NNT: variants seen among roughly 807,000 people sequenced by gnomAD.
NNT encodes the protein NAD(P) transhydrogenase, mitochondrial.
A neutral mutation model predicts 104.8 loss-of-function variants in NNT; 50 were observed. That is an observed-to-expected ratio of 0.48 (90% CI 0.38 to 0.60). NNT has a LOEUF of 0.60. Ranked by LOEUF, NNT falls within the 20% of genes least tolerant of loss-of-function variation. The pLI is 0.00. For synonymous variants in NNT, 461 were observed against 490.4 expected (o/e 0.94, Z 0.79); for missense variants, 1,131 against 1,330.7 (o/e 0.85, Z 2.33).
intron 17 of NNT, chr5:43,666,992 C>T (rs1740737148): frequency 6.3e-7 from 1 of 1,595,920 alleles, no homozygotes; most frequent in Non-Finnish European, 8.5e-7. Flanking sequence ...TTGGGCTTAA[C>T]CTCCTTGGGC....
At chr5:43,670,235 C>T (rs552708294) in intron 17 of NNT, among the ~76,000 whole-genome samples, 240 of 152,132 alleles carry the variant, frequency 1.6e-3, no homozygotes, top group African/African-American at 5.4e-3. Context: ...AAAACCAGCT[C>T]CTGGATTCAT....
intron 6 of NNT, among the ~76,000 whole-genome samples, chr5:43,627,557 G>T (rs1750436970): frequency 6.6e-6 from 1 of 152,170 alleles, no homozygotes; most frequent in African/African-American, 2.4e-5. Flanking sequence ...CAGAACTGAG[G>T]TGTTTGTTGG....
At chr5:43,676,470 T>G (rs934414922) in intron 18 of NNT, among the ~76,000 whole-genome samples, 5 of 152,240 alleles carry the variant, frequency 3.3e-5, no homozygotes, top group Admixed American at 2.6e-4. Context: ...CCTTCTCAAC[T>G]TGGGACAATA....
At chr5:43,662,869 A>G (rs1740444798) in intron 17 of NNT, among the ~76,000 whole-genome samples, 1 of 150,934 alleles carries the variant, frequency 6.6e-6, no homozygotes, top group Non-Finnish European at 1.5e-5. Flanking sequence ...ACTGCAGCCT[A>G]GGAGACAGAG....
rs190498995 is a variant in NNT at position 43,638,138 on chromosome 5, T to C, written c.965-6054T>C. On this transcript the variant is annotated intron_variant, in intron 7 of 21. Transcript: ENST00000344920. ...TCACTGGGCACTCATTTCTTTCTGC[T>C]TCTGCCATGTGAAGAACATGTTTGC... Among the ~76,000 whole-genome samples the C allele has an allele frequency of 6.6e-5, 10 of 152,320 alleles. No individual in the cohort carries two copies. The East Asian group carries it at 1.9e-3, about 29-fold the overall frequency.
chr5:43,635,889 G>A (rs566405850), intron 7 of NNT, among the ~76,000 whole-genome samples: 26 of 152,210 alleles, frequency 1.7e-4, no homozygotes, highest in Admixed American at 4.6e-4. Context: ...GGGTTAGGGC[G>A]TCAACATAGG....
At chr5:43,681,724 A>G (rs574088197) in intron 19 of NNT, among the ~76,000 whole-genome samples, 1 of 152,284 alleles carries the variant, frequency 6.6e-6, no homozygotes, top group South Asian at 2.1e-4. Flanking sequence ...TGACTAGCTG[A>G]TGTTATGTAT....
At chr5:43,646,652 G>A (rs1561287462) in intron 10 of NNT, among the ~76,000 whole-genome samples, 3 of 151,916 alleles carry the variant, frequency 2.0e-5, no homozygotes, top group South Asian at 4.2e-4. Flanking sequence ...ATATAATTAC[G>A]TTTTTTTCTG....
chr5:43,685,706 T>A (rs1741952196), intron 19 of NNT, among the ~76,000 whole-genome samples: 1 of 152,070 alleles, frequency 6.6e-6, no homozygotes, highest in Non-Finnish European at 1.5e-5. Context: ...AAAACATAGT[T>A]TATTTGAACA....
chr5:43,670,320 T>C (rs1418965309), intron 17 of NNT, among the ~76,000 whole-genome samples: 1 of 152,058 alleles, frequency 6.6e-6, no homozygotes, highest in Non-Finnish European at 1.5e-5. Flanking sequence ...TAGACTCCTG[T>C]AGGCTTTTGA....
At chr5:43,669,938 A>G (rs1740957266) in intron 17 of NNT, among the ~76,000 whole-genome samples, 1 of 151,842 alleles carries the variant, frequency 6.6e-6, no homozygotes, top group African/African-American at 2.4e-5. Flanking sequence ...GTAGGCTATT[A>G]ATTATTGCCT....
At chr5:43,703,545 TTGCAC>T (rs1580142627) in intron 21 of NNT, among the ~76,000 whole-genome samples, 1 of 152,146 alleles carries the variant, frequency 6.6e-6, no homozygotes, top group East Asian at 1.9e-4. Flanking sequence ...AAGAATACAT[TTGCAC>T]TGCTTCTGTT....
chr5:43,666,451 G>A (rs1740689604), intron 17 of NNT, among the ~76,000 whole-genome samples: 1 of 152,164 alleles, frequency 6.6e-6, no homozygotes, highest in South Asian at 2.1e-4. Context: ...AACCAGTCAG[G>A]CGTGGCAGCG....
intron 19 of NNT, among the ~76,000 whole-genome samples, chr5:43,688,536 A>G (rs190961606): frequency 1.5e-4 from 23 of 152,242 alleles, no homozygotes; most frequent in Non-Finnish European, 3.1e-4. Context: ...ACTGTACCCA[A>G]TGTGTACTCT....
At chr5:43,645,653 ATC>A (rs372296149) in intron 10 of NNT, 143 bp downstream of exon 10, 2,519 of 68,228 alleles carry the variant, frequency 0.037, 150 homozygotes, top group African/African-American at 0.1. Flanking sequence ...CTATCTATCT[ATC>A]TCTCTCTCTC....
chr5:43,641,058 T>C (rs1751205299), intron 7 of NNT, among the ~76,000 whole-genome samples: 1 of 152,130 alleles, frequency 6.6e-6, no homozygotes, highest in East Asian at 1.9e-4. Flanking sequence ...CTTATGGTAT[T>C]AGGTTTGGGT....
chr5:43,622,296 T>A (rs936898772), intron 5 of NNT, among the ~76,000 whole-genome samples: 2 of 152,232 alleles, frequency 1.3e-5, no homozygotes, highest in Non-Finnish European at 2.9e-5. Flanking sequence ...TAAACAATTG[T>A]GCATAGTTAC....
At position 43,623,824 on chromosome 5, in the gene NNT, C is replaced by T. The variant is rs184030269; in HGVS notation, c.688-208C>T. 1.1e-3 allele frequency among the ~76,000 whole-genome samples: 167 copies of T among 152,204 alleles called. 2 individuals carry two copies. Among genetic ancestry groups the T allele is most frequent in the Admixed American group, 0.011 (166 of 15,298 alleles). On this transcript the variant is annotated intron_variant, in intron 5 of 21. Coordinates refer to ENST00000344920, the MANE Select transcript of NNT (RefSeq NM_182977.3). ...TGTTGGCCTTTGCTAGCAGTTGTTTCTTTGATAAAATTTCAAGATCAGTGG... is the reference window on the plus strand; with the variant it reads ...TGTTGGCCTTTGCTAGCAGTTGTTTTTTTGATAAAATTTCAAGATCAGTGG...
chr5:43,702,637 T>A lies in NNT; in HGVS notation c.3012T>A (p.Leu1004=). 1 of 1,609,402 alleles carries A rather than the reference T, an allele frequency of 6.2e-7. No individual in the cohort carries two copies. The highest frequency in any genetic ancestry group is 8.5e-7 in the Non-Finnish European group (1 of 1,177,494). ...NHDFPDTDLV[L]VIGANDTVNS... The stretch of plus-strand genomic sequence containing the variant: ...ATTATATAGATACTGATTTGGTCCT[T>A]GTAATTGGAGCTAATGACACTGTTA... The change falls in exon 21 of 22, where the codon CTT becomes CTA. Residue 1004 remains leucine, a synonymous_variant. Transcript: ENST00000344920.
Sources: allele counts gnomAD v4.1 joint callset (sites outside exome capture counted in the v4.1 genomes callset), GRCh38; gene constraint gnomAD v4.1.1; transcripts MANE v1.5; gene names NCBI Gene and HGNC (gene_info 2026-07-23, HGNC 2026-07-21).